The following AP2B1 variants were observed in gnomAD, a reference collection of about 807,000 sequenced individuals.
AP2B1 encodes adaptor related protein complex 2 subunit beta 1.
AP2B1 carries 23 observed loss-of-function variants against 102.0 expected under a neutral mutation model. The observed-to-expected ratio is 0.23, with a 90% CI of 0.16 to 0.32. The LOEUF (loss-of-function observed/expected upper bound fraction) is 0.32, where lower values mean the gene tolerates loss of function less well. Among genes scored for constraint, AP2B1 ranks in the 10% least tolerant of loss-of-function variants. The pLI is 1.00. For synonymous variants in AP2B1, 381 were observed against 421.2 expected, an observed-to-expected ratio of 0.90 and a Z score of 1.17; for missense variants, 541 against 1,157.4, an observed-to-expected ratio of 0.47 and a Z score of 7.73.
chr17:35,694,425 TA>T lies in AP2B1; in HGVS notation c.2454+11603del, dbSNP rs1555580988. 7.9e-4 allele frequency among the ~76,000 whole-genome samples: 106 copies of T among 134,284 alleles called. 4 individuals carry two copies. Among genetic ancestry groups the T allele is most frequent in the African/African-American group, 2.6e-3 (91 of 34,496 alleles). 88.1% of individuals were successfully genotyped at this position (134,284 alleles called of 152,430 possible). The stretch of plus-strand genomic sequence containing the variant: ...CACCTAGCTGACTTTTTTTTTTTTT[TA>T]ATTTTTTAATTTTTTGTAGAGTTGA... On this transcript the variant is annotated intron_variant, in intron 18 of 21. Coordinates refer to ENST00000610402, the MANE Select transcript of AP2B1 (RefSeq NM_001030006.2).
chr17:35,684,508 A>T (rs1032241694), intron 18 of AP2B1, among the ~76,000 whole-genome samples: 6 of 152,208 alleles, frequency 3.9e-5, no homozygotes, highest in Admixed American at 2.6e-4. Flanking sequence ...TTGCCAGTTC[A>T]CTAACTACCT....
At chr17:35,717,528 C>G (rs1029257937) in intron 21 of AP2B1, among the ~76,000 whole-genome samples, 179 bp downstream of exon 21, 1 of 152,328 alleles carries the variant, frequency 6.6e-6, no homozygotes, top group East Asian at 1.9e-4. Context: ...TCTGCAGTGT[C>G]TGCCCCATCC....
chr17:35,673,826 C>T (rs1275379344), intron 16 of AP2B1, among the ~76,000 whole-genome samples: 2 of 152,144 alleles, frequency 1.3e-5, no homozygotes, highest in African/African-American at 4.8e-5. Flanking sequence ...ACACATTATG[C>T]TCATTGGAAT....
At chr17:35,620,170 C>T (rs2074133337) in intron 5 of AP2B1, among the ~76,000 whole-genome samples, 1 of 152,082 alleles carries the variant, frequency 6.6e-6, no homozygotes, top group Non-Finnish European at 1.5e-5. Flanking sequence ...GCTGAGGAAG[C>T]TCTCTTAAGA....
chr17:35,601,276 T>C (rs1369275597), intron 3 of AP2B1, among the ~76,000 whole-genome samples: 1 of 152,202 alleles, frequency 6.6e-6, no homozygotes, highest in Non-Finnish European at 1.5e-5. Flanking sequence ...TTTTGGGGGA[T>C]GATAACATTT....
intron 9 of AP2B1, among the ~76,000 whole-genome samples, chr17:35,631,806 A>T (rs2074470292): frequency 6.6e-6 from 1 of 152,206 alleles, no homozygotes; most frequent in South Asian, 2.1e-4. Flanking sequence ...TTTTCATAAC[A>T]GTTATGCTTA....
chr17:35,707,408 C>T (rs1474421271), intron 18 of AP2B1, among the ~76,000 whole-genome samples: 1 of 151,328 alleles, frequency 6.6e-6, no homozygotes, highest in Non-Finnish European at 1.5e-5. Flanking sequence ...GCCTTGGCCT[C>T]CCAAAGTGCT....
At chr17:35,616,143 T>TC (rs1491283955) in intron 5 of AP2B1, among the ~76,000 whole-genome samples, 46 of 2,088 alleles carry the variant, frequency 0.022, no homozygotes, top group East Asian at 0.091. Flanking sequence ...AAAATATCTC[T>TC]TTTTTTTTTT....
chr17:35,621,761 T>C (rs758636622), intron 5 of AP2B1, among the ~76,000 whole-genome samples: 1 of 152,240 alleles, frequency 6.6e-6, no homozygotes, highest in Non-Finnish European at 1.5e-5. Flanking sequence ...TCATTCTGTT[T>C]AGCATTCTTC....
intron 1 of AP2B1, among the ~76,000 whole-genome samples, chr17:35,589,676 G>A (rs79897167): frequency 0.033 from 5,062 of 152,246 alleles, 201 homozygotes; most frequent in East Asian, 0.14. Flanking sequence ...CTTTGACTCT[G>A]GCAGCTTTGT....
intron 21 of AP2B1, among the ~76,000 whole-genome samples, chr17:35,720,116 T>C (rs1362233185): frequency 6.6e-6 from 1 of 152,150 alleles, no homozygotes; most frequent in South Asian, 2.1e-4. Flanking sequence ...ACAGACGGGC[T>C]GGGCACAGGA....
At chr17:35,627,302 A>C in intron 7 of AP2B1, 83 bp from the exon 8 acceptor site, 1 of 788,164 alleles carries the variant, frequency 1.3e-6, no homozygotes, top group Non-Finnish European at 1.8e-6. Flanking sequence ...GCAGAGAGGC[A>C]CAGATTAGGT....
chr17:35,618,132 G>A (rs1445383147), intron 5 of AP2B1, among the ~76,000 whole-genome samples: 1 of 152,150 alleles, frequency 6.6e-6, no homozygotes, highest in Non-Finnish European at 1.5e-5. Context: ...TGGCATTCTA[G>A]ACAGTGTTTT....
At chr17:35,609,384 T>A (rs1380965008) in intron 5 of AP2B1, among the ~76,000 whole-genome samples, 10 of 151,234 alleles carry the variant, frequency 6.6e-5, no homozygotes, top group African/African-American at 2.4e-4. Flanking sequence ...TCTTGCCTTG[T>A]CGCCCAGGCT....
At chr17:35,621,597 A>G (rs1365271997) in intron 5 of AP2B1, among the ~76,000 whole-genome samples, 1 of 152,200 alleles carries the variant, frequency 6.6e-6, no homozygotes, top group Non-Finnish European at 1.5e-5. Flanking sequence ...CTGGATCCTT[A>G]AGTTAGACTT....
chr17:35,700,957 G>A, intron 18 of AP2B1, among the ~76,000 whole-genome samples: 1 of 152,182 alleles, frequency 6.6e-6, no homozygotes, highest in Non-Finnish European at 1.5e-5. Flanking sequence ...GTCACATGTT[G>A]CACATGACAT....
chr17:35,592,439 A>T (rs1479970419), intron 1 of AP2B1, among the ~76,000 whole-genome samples: 1 of 151,566 alleles, frequency 6.6e-6, no homozygotes, highest in Non-Finnish European at 1.5e-5. Flanking sequence ...TGTAGCCTTG[A>T]TCTCCTAAGC....
intron 21 of AP2B1, among the ~76,000 whole-genome samples, chr17:35,720,460 T>C (rs1360097651): frequency 2.0e-5 from 3 of 147,504 alleles, no homozygotes; most frequent in Non-Finnish European, 4.5e-5. Flanking sequence ...ATGGAATAAA[T>C]GCAAATAAAA....
At chr17:35,682,870 A>AATT (rs200828221) in intron 18 of AP2B1, 46 bp downstream of exon 18, 42,544 of 1,497,854 alleles carry the variant, frequency 0.028, 513 homozygotes, top group South Asian at 0.053. Context: ...ATATCTTGAC[A>AATT]ATTATTATTA....
Sources: allele counts gnomAD v4.1 joint callset (sites outside exome capture counted in the v4.1 genomes callset), GRCh38; gene constraint gnomAD v4.1.1; transcripts MANE v1.5; gene names NCBI Gene and HGNC (gene_info 2026-07-23, HGNC 2026-07-21).